PIP5K1C: variants seen among roughly 807,000 people sequenced by gnomAD.
PIP5K1C encodes phosphatidylinositol-4-phosphate 5-kinase type 1 gamma, also known as phosphatidylinositol 4-phosphate 5-kinase type-1 gamma.
In PIP5K1C, 45 loss-of-function variants were observed where a neutral mutation model predicts 80.1. The observed-to-expected ratio is 0.56, with a 90% CI of 0.44 to 0.72. The LOEUF is 0.72. Ranked by LOEUF, PIP5K1C falls within the 30% of genes least tolerant of loss-of-function variation. PIP5K1C has a pLI of 0.00. For synonymous variants in PIP5K1C, 498 were observed against 420.1 expected (o/e 1.19, Z -2.27); for missense variants, 753 against 954.6 (o/e 0.79, Z 2.78).
intron 1 of PIP5K1C, among the ~76,000 whole-genome samples, chr19:3,691,419 G>T (rs2035946652): frequency 6.6e-6 from 1 of 152,160 alleles, no homozygotes; most frequent in Non-Finnish European, 1.5e-5. Context: ...ACTGTGACGT[G>T]CAGAGCAACC....
chr19:3,684,910 C>A (rs1234957968), intron 1 of PIP5K1C, among the ~76,000 whole-genome samples: 1 of 152,188 alleles, frequency 6.6e-6, no homozygotes, highest in Non-Finnish European at 1.5e-5. Context: ...GGGCCAGACA[C>A]GTGAATCTTA....
chr19:3,639,674 C>T (rs980215499), intron 15 of PIP5K1C, among the ~76,000 whole-genome samples: 1 of 151,992 alleles, frequency 6.6e-6, no homozygotes. Flanking sequence ...TCAAGCGATC[C>T]TCCTGCCTCA....
intron 15 of PIP5K1C, among the ~76,000 whole-genome samples, chr19:3,641,399 C>T (rs899014512): frequency 4.6e-5 from 7 of 152,194 alleles, no homozygotes; most frequent in Admixed American, 2.0e-4. Context: ...GGGGCCATCC[C>T]GGGCACTGCA....
At chr19:3,647,295 G>A in intron 10 of PIP5K1C, 43 bp downstream of exon 10, 1 of 1,503,750 alleles carries the variant, frequency 6.7e-7, no homozygotes, top group Non-Finnish European at 9.0e-7. Flanking sequence ...CACAGGAGGA[G>A]GAGGGATGGG....
chr19:3,643,066 C>T, intron 13 of PIP5K1C, 127 bp from the exon 14 acceptor site: 1 of 1,457,794 alleles, frequency 6.9e-7, no homozygotes, highest in East Asian at 2.3e-5. Context: ...ATATGCTCCT[C>T]CCTCCCACAC....
Position 3,700,337 on chromosome 19 carries a change from G to T in PIP5K1C, c.54C>A (p.Pro18=). Residue 18 remains proline, a synonymous_variant, in exon 1 of 18, where the codon CCC becomes CCA. Transcript: ENST00000335312. ...TCTCTGCCGCCCACGCCGCCTCCGA[G>T]GGCACGGCCCCCGCCTCAGCGCTCT... ...EAESAEAGAV[P]SEAAWAAESG... is the part of the protein sequence containing the mutation. 7.7e-7 allele frequency: 1 copy of T among 1,296,196 alleles called. No individual in the cohort carries two copies. The highest frequency in any genetic ancestry group is 1.5e-5 in the South Asian group (1 of 66,478). The allele number at this position is 1,296,196 out of a possible 1,614,324, so 80.3% of individuals were successfully genotyped here.
intron 11 of PIP5K1C, 83 bp from the exon 12 acceptor site, chr19:3,644,334 C>T (rs1045961609): frequency 1.8e-5 from 25 of 1,395,634 alleles, no homozygotes; most frequent in Non-Finnish European, 2.5e-5. Context: ...CCACATATAC[C>T]CCACGTCCCT....
At position 3,700,350 on chromosome 19, in the gene PIP5K1C, G is replaced by A; in HGVS notation, c.41C>T (p.Ala14Val). 3 of 1,289,732 alleles carry A rather than the reference G, an allele frequency of 2.3e-6. No individual in the cohort carries two copies. Among genetic ancestry groups the A allele is most frequent in the Non-Finnish European group, 2.0e-6 (2 of 1,001,776 alleles). 79.9% of individuals were successfully genotyped at this position (1,289,732 alleles called of 1,614,324 possible). ...CGCCGCCTCCGAGGGCACGGCCCCCGCCTCAGCGCTCTCCGCCTCGTCCGG... is the reference window on the plus strand; with the variant it reads ...CGCCGCCTCCGAGGGCACGGCCCCCACCTCAGCGCTCTCCGCCTCGTCCGG... ...EVPDEAESAE[A>V]GAVPSEAAWA... Residue 14 changes from alanine to valine, a missense_variant, in exon 1 of 18, where the codon GCG becomes GTG. Physicochemically the swap from Ala to Val is moderately conservative, Grantham distance 64 (BLOSUM62 0). Transcript: ENST00000335312.
rs780906175 is a variant in PIP5K1C, at chr19:3,664,825, C to T, written c.216G>A (p.Lys72=). ...GVDASGETTY[K]KTTSSTLKGA... is the part of the protein sequence containing the mutation. Reference sequence around the variant, plus strand: ...CAGCTAAGGGGAGCCGAGGAACCTTCTTGTAGGTGGTTTCGCCGGATGCGT... The same window carrying T: ...CAGCTAAGGGGAGCCGAGGAACCTTTTTGTAGGTGGTTTCGCCGGATGCGT... Residue 72 remains lysine, a synonymous_variant, in exon 3 of 18, where the codon AAG becomes AAA. Coordinates refer to ENST00000335312, the MANE Select transcript of PIP5K1C (RefSeq NM_012398.3). The T allele has an allele frequency of 1.9e-6, 3 of 1,612,832 alleles. No individual in the cohort carries two copies. Among genetic ancestry groups the T allele is most frequent in the African/African-American group, 1.3e-5 (1 of 75,040 alleles).
chr19:3,637,303 C>T lies in PIP5K1C; in HGVS notation c.1920+1581G>A. 4 of 1,512,888 alleles carry T rather than the reference C, an allele frequency of 2.6e-6. No homozygotes were observed. The highest frequency in any genetic ancestry group is 1.3e-5 in the South Asian group (1 of 79,124). 93.7% of individuals were successfully genotyped at this position (1,512,888 alleles called of 1,614,324 possible). ...CTGTGCACCTGGTGATGGTGCTGCCCTATGGAGCGCCCGGTTCGACGTGGG... is the reference window on the plus strand; with the variant it reads ...CTGTGCACCTGGTGATGGTGCTGCCTTATGGAGCGCCCGGTTCGACGTGGG... On this transcript the variant is annotated intron_variant, in intron 16 of 17. Coordinates refer to ENST00000335312, the MANE Select transcript of PIP5K1C (RefSeq NM_012398.3). This position sits in a 1 kb window ranked among gnomAD's most constrained non-coding sequence, Gnocchi z 7.0.
chr19:3,683,144 C>A (rs2035641574), intron 1 of PIP5K1C, among the ~76,000 whole-genome samples: 1 of 152,320 alleles, frequency 6.6e-6, no homozygotes, highest in African/African-American at 2.4e-5. Context: ...GCTGGGTTTA[C>A]TTCTCTCTAC....
intron 5 of PIP5K1C, 91 bp from the exon 6 acceptor site, chr19:3,656,648 G>A (rs2034644013): frequency 7.0e-7 from 1 of 1,436,604 alleles, no homozygotes; most frequent in East Asian, 2.3e-5. Flanking sequence ...CCCAGGAACT[G>A]ATGACGGGTC....
chr19:3,661,316 A>G (rs911608017), intron 4 of PIP5K1C, among the ~76,000 whole-genome samples: 1 of 105,966 alleles, frequency 9.4e-6, no homozygotes, highest in African/African-American at 3.1e-5. Context: ...GGCCAGGCAC[A>G]TGGCCGCCAA....
Position 3,631,444 on chromosome 19 carries a change from G to C in PIP5K1C, c.*1723C>G, listed in dbSNP as rs1023062705. Reference sequence around the variant, plus strand: ...GCGGGGGCTGATGGGTGGATGCCCGGTGCCAGCAGATGAGCACCAGGCTGT... The same window carrying C: ...GCGGGGGCTGATGGGTGGATGCCCGCTGCCAGCAGATGAGCACCAGGCTGT... On this transcript the variant is annotated 3_prime_UTR_variant, in exon 18 of 18. Coordinates refer to ENST00000335312, the MANE Select transcript of PIP5K1C (RefSeq NM_012398.3). 2 of 152,554 alleles carry C rather than the reference G, an allele frequency of 1.3e-5. No individual in the cohort carries two copies. The highest frequency in any genetic ancestry group is 2.4e-5 in the African/African-American group (1 of 41,448). The allele number at this position is 152,554 out of a possible 1,614,324, so 9.5% of individuals were successfully genotyped here. A position where few individuals can be genotyped will look rare whatever the true frequency, so the allele number is the denominator to read the frequency against.
At chr19:3,641,962 G>A (rs1274345782) in intron 14 of PIP5K1C, among the ~76,000 whole-genome samples, 153 bp from the exon 15 acceptor site, 2 of 152,168 alleles carry the variant, frequency 1.3e-5, no homozygotes, top group East Asian at 1.9e-4. Context: ...CCCAGCCCGG[G>A]GACTGTCCAC....
chr19:3,634,518 C>T (rs1478445111), intron 16 of PIP5K1C, among the ~76,000 whole-genome samples: 1 of 152,232 alleles, frequency 6.6e-6, no homozygotes, highest in African/African-American at 2.4e-5. Context: ...TGGCCACGTC[C>T]ACCTGGCGGC....
At chr19:3,678,585 T>TGGC (rs1568350672) in intron 1 of PIP5K1C, among the ~76,000 whole-genome samples, 1 of 29,750 alleles carries the variant, frequency 3.4e-5, no homozygotes. Context: ...GATGGAGGGA[T>TGGC]AAAGGGATGG....
intron 16 of PIP5K1C, chr19:3,636,847 T>C: frequency 5.0e-6 from 5 of 992,980 alleles, no homozygotes; most frequent in Non-Finnish European, 6.0e-6. Context: ...GCAGGTCTCT[T>C]AGGCTCTCTG....
rs755031701 is a variant in PIP5K1C, at chr19:3,643,221, G to A, written c.1649+22C>T. The A allele has an allele frequency of 4.3e-6, 7 of 1,611,512 alleles. 1 individual carries two copies. The Admixed American group carries it at 1.0e-4, about 23-fold the overall frequency. On this transcript the variant is annotated intron_variant, in intron 13 of 17. Coordinates refer to ENST00000335312, the MANE Select transcript of PIP5K1C (RefSeq NM_012398.3). ...CGCACAGCGGATGCCCCGCCCACAT[G>A]CACTGCGGATGCCTCGCCCACCTGT...
Sources: gnomAD v4.1 joint callset for allele counts (sites outside exome capture counted in the v4.1 genomes callset) on GRCh38, gnomAD v4.1.1 for gene constraint, Gnocchi (gnomAD v3.1) non-coding constraint, MANE v1.5 for transcripts, NCBI Gene and HGNC (gene_info 2026-07-23, HGNC 2026-07-21) for gene names.